Variants in C12orf54 observed in about 807,000 individuals in gnomAD.
The protein encoded by C12orf54 is uncharacterized protein C12orf54.
Under a neutral mutation model 26.4 loss-of-function variants are expected in C12orf54, and 24 were observed. That is an observed-to-expected ratio of 0.91 (90% CI 0.66 to 1.28). C12orf54 has a LOEUF of 1.28. Ranked by LOEUF, C12orf54 falls within the 50% of genes most tolerant of loss-of-function variation. The probability of loss-of-function intolerance (pLI) is 0.00; values close to 1 mark genes in which losing one functional copy is unlikely to be tolerated. For missense variants in C12orf54, 154 were observed against 150.9 expected (o/e 1.02, Z -0.11); for synonymous variants, 54 against 47.0 (o/e 1.15, Z -0.61).
chr12:48,434,725 C>G, the C12orf54 span, among the ~76,000 whole-genome samples: 2 of 152,162 alleles, frequency 1.3e-5, no homozygotes, highest in Non-Finnish European at 2.9e-5. Flanking sequence ...GGAAAACTAA[C>G]AAACAGAAAG....
chr12:48,427,877 C>T, the C12orf54 span, among the ~76,000 whole-genome samples: 6 of 152,028 alleles, frequency 3.9e-5, no homozygotes, highest in Non-Finnish European at 8.8e-5. Context: ...ACATTCTATT[C>T]AACAGTGCAT....
At chr12:48,480,138 T>C (rs1180648023), upstream of C12orf54, among the ~76,000 whole-genome samples, 1 of 152,206 alleles carries the variant, frequency 6.6e-6, no homozygotes, top group Non-Finnish European at 1.5e-5. Flanking sequence ...AACAATCAAG[T>C]TGGGCCAACC....
the C12orf54 span, among the ~76,000 whole-genome samples, chr12:48,474,991 AC>A: frequency 2.0e-5 from 3 of 152,016 alleles, no homozygotes; most frequent in African/African-American, 7.3e-5. Context: ...ACTGGGAGGC[AC>A]CCCCCAGTAG....
chr12:48,469,267 A>T, the C12orf54 span, among the ~76,000 whole-genome samples: 1 of 152,114 alleles, frequency 6.6e-6, no homozygotes, highest in Admixed American at 6.5e-5. Context: ...TTTATCTACA[A>T]CTGCATAAGA....
chr12:48,434,467 A>T, the C12orf54 span, among the ~76,000 whole-genome samples: 2 of 152,198 alleles, frequency 1.3e-5, no homozygotes, highest in African/African-American at 4.8e-5. Flanking sequence ...CTGCCTCCTC[A>T]AGTGGGTCCC....
the C12orf54 span, among the ~76,000 whole-genome samples, chr12:48,457,888 T>C: frequency 1.1e-3 from 161 of 152,302 alleles, no homozygotes; most frequent in African/African-American, 3.8e-3. Flanking sequence ...TGCCTGGCGT[T>C]CCAGGGTCTC....
At chr12:48,417,520 T>G in the C12orf54 span, among the ~76,000 whole-genome samples, 2 of 152,346 alleles carry the variant, frequency 1.3e-5, no homozygotes, top group South Asian at 4.1e-4. Flanking sequence ...TTTTGTTATA[T>G]TCTATACCCT....
the C12orf54 span, among the ~76,000 whole-genome samples, chr12:48,476,781 C>A: frequency 6.6e-6 from 1 of 152,114 alleles, no homozygotes; most frequent in Non-Finnish European, 1.5e-5. Flanking sequence ...ACTTAGACTC[C>A]CACACAATAA....
the C12orf54 span, among the ~76,000 whole-genome samples, chr12:48,426,276 G>A: frequency 1.3e-5 from 2 of 151,882 alleles, no homozygotes; most frequent in African/African-American, 4.8e-5. Flanking sequence ...GTATAAGAAA[G>A]GGGTCCAGTT....
chr12:48,431,377 CT>C, the C12orf54 span, among the ~76,000 whole-genome samples: 2 of 152,066 alleles, frequency 1.3e-5, no homozygotes, highest in African/African-American at 4.8e-5. Flanking sequence ...CTATAAAATT[CT>C]GTTAACTTTG....
At chr12:48,480,513 A>G (rs1954187850), upstream of C12orf54, among the ~76,000 whole-genome samples, 1 of 152,222 alleles carries the variant, frequency 6.6e-6, no homozygotes, top group Non-Finnish European at 1.5e-5. Context: ...GAGAAATACA[A>G]ATCAAAATCA....
chr12:48,418,898 A>G, the C12orf54 span, among the ~76,000 whole-genome samples: 4 of 151,160 alleles, frequency 2.6e-5, no homozygotes, highest in Non-Finnish European at 5.9e-5. Flanking sequence ...TTTGGTTGTA[A>G]GAAGGCACCT....
the C12orf54 span, among the ~76,000 whole-genome samples, chr12:48,436,387 C>A: frequency 6.6e-6 from 1 of 152,144 alleles, no homozygotes. Flanking sequence ...AGGTATTGAA[C>A]TCTGCTCTGC....
At chr12:48,435,837 G>A in the C12orf54 span, among the ~76,000 whole-genome samples, 2 of 152,174 alleles carry the variant, frequency 1.3e-5, no homozygotes, top group Admixed American at 1.3e-4. Context: ...AGGCTAGGAA[G>A]AAACTGCATC....
the C12orf54 span, among the ~76,000 whole-genome samples, chr12:48,420,530 G>A: frequency 6.6e-6 from 1 of 151,968 alleles, no homozygotes; most frequent in Non-Finnish European, 1.5e-5. Context: ...CTTTCTTAAG[G>A]ACCTGGGAAC....
the C12orf54 span, among the ~76,000 whole-genome samples, chr12:48,415,068 A>G: frequency 1.3e-5 from 2 of 152,204 alleles, no homozygotes; most frequent in South Asian, 2.1e-4. Flanking sequence ...CTCCGTTTGA[A>G]TGTCATCAAG....
At chr12:48,445,031 C>G in the C12orf54 span, among the ~76,000 whole-genome samples, 1 of 152,052 alleles carries the variant, frequency 6.6e-6, no homozygotes. Context: ...ATTAGCCAGG[C>G]GTGGTGGCTT....
At chr12:48,466,492 C>A in the C12orf54 span, among the ~76,000 whole-genome samples, 2 of 151,618 alleles carry the variant, frequency 1.3e-5, no homozygotes, top group African/African-American at 4.9e-5. Context: ...TTGCAGTGAG[C>A]CAAGATCGAG....
At chr12:48,426,922 C>T in the C12orf54 span, among the ~76,000 whole-genome samples, 2 of 151,918 alleles carry the variant, frequency 1.3e-5, no homozygotes, top group African/African-American at 4.8e-5. Context: ...TTTTTGTACA[C>T]TGATTTTGTG....
Sources: allele counts gnomAD v4.1 joint callset (sites outside exome capture counted in the v4.1 genomes callset), GRCh38; gene constraint gnomAD v4.1.1; transcripts MANE v1.5; gene names NCBI Gene and HGNC (gene_info 2026-07-23, HGNC 2026-07-21).